Variants in GPC6 observed in about 807,000 individuals in gnomAD.
GPC6 encodes glypican 6, also known as glypican-6.
A neutral mutation model predicts 55.2 loss-of-function variants in GPC6; 14 were observed. That is an observed-to-expected ratio of 0.25 (90% confidence interval 0.17 to 0.40). The LOEUF (loss-of-function observed/expected upper bound fraction) is 0.40. GPC6 is among the 10% of genes least tolerant of loss of function. The pLI is 1.00. For missense variants in GPC6, 641 were observed against 708.5 expected (o/e 0.90, Z 1.08); for synonymous variants, 278 against 259.6 (o/e 1.07, Z -0.68).
rs140203496 is a variant in GPC6 at position 93,275,561 on chromosome 13, T to C, written c.160+47945T>C. ...GGGACAGAAATTAATTTCCTTGTAG[T>C]TTCAGAGATCAAGGTATAGGCAGCT... is the stretch of plus-strand genomic sequence containing the variant. On this transcript the variant is annotated intron_variant, in intron 1 of 8. Transcript: ENST00000377047. Among the ~76,000 whole-genome samples, 5 of 152,256 alleles carry C rather than the reference T, an allele frequency of 3.3e-5. No homozygotes were observed. In the East Asian group the frequency reaches 9.8e-4, roughly 30 times the overall value.
intron 4 of GPC6, among the ~76,000 whole-genome samples, chr13:94,071,377 G>A (rs1884728944): frequency 1.3e-5 from 2 of 152,116 alleles, no homozygotes; most frequent in Admixed American, 1.3e-4. Context: ...AACAATCAGA[G>A]GATTTAACTA....
At chr13:94,359,749 T>C (rs1200863494) in intron 6 of GPC6, among the ~76,000 whole-genome samples, 1 of 152,180 alleles carries the variant, frequency 6.6e-6, no homozygotes, top group African/African-American at 2.4e-5. Context: ...TGGCGTTTGA[T>C]CTTTCAGATT....
At chr13:93,542,487 T>G (rs962168161) in intron 1 of GPC6, among the ~76,000 whole-genome samples, 5 of 152,256 alleles carry the variant, frequency 3.3e-5, no homozygotes, top group Non-Finnish European at 5.9e-5. Context: ...TTTTGGCTTA[T>G]GATTGACTTG....
At chr13:93,844,290 C>A (rs1008326163) in intron 3 of GPC6, among the ~76,000 whole-genome samples, 2 of 152,074 alleles carry the variant, frequency 1.3e-5, no homozygotes, top group Non-Finnish European at 2.9e-5. Context: ...AGGCATGCAC[C>A]ACCATGCCCA....
At chr13:94,364,335 C>T (rs1422546067) in intron 6 of GPC6, among the ~76,000 whole-genome samples, 1 of 152,194 alleles carries the variant, frequency 6.6e-6, no homozygotes, top group Non-Finnish European at 1.5e-5. Context: ...GTAAATCGTA[C>T]TCCCTGGTTG....
intron 2 of GPC6, among the ~76,000 whole-genome samples, chr13:93,728,466 C>T (rs1883718793): frequency 6.6e-6 from 1 of 151,024 alleles, no homozygotes; most frequent in Admixed American, 6.6e-5. Flanking sequence ...GTTTTGAACT[C>T]CTGGGCTCAA....
At position 94,234,042 on chromosome 13, in the gene GPC6, G is replaced by A. The variant is rs115054343; in HGVS notation, c.878-52307G>A. Among the ~76,000 whole-genome samples the A allele has an allele frequency of 6.7e-3, 1,023 of 152,082 alleles. 16 individuals are homozygous for A. The highest frequency in any genetic ancestry group is 0.023 in the African/African-American group (968 of 41,464). On this transcript the variant is annotated intron_variant, in intron 4 of 8. Coordinates refer to ENST00000377047, the MANE Select transcript of GPC6 (RefSeq NM_005708.5). ...AAGTATGAGAAATAGTCAGGGCGAG[G>A]TGTTTATTTGTAGGGCAGTAACTCT...
At chr13:93,494,177 T>A (rs2139361801) in intron 1 of GPC6, among the ~76,000 whole-genome samples, 1 of 116,708 alleles carries the variant, frequency 8.6e-6, no homozygotes, top group African/African-American at 3.3e-5. Flanking sequence ...TGTAGGTCAC[T>A]CAGGACTTGC....
At chr13:93,423,932 C>T (rs930545422) in intron 1 of GPC6, among the ~76,000 whole-genome samples, 8 of 152,122 alleles carry the variant, frequency 5.3e-5, no homozygotes, top group African/African-American at 1.9e-4. Flanking sequence ...ACCACCGAGA[C>T]ACTTGAGAAA....
At chr13:93,620,098 C>T (rs921273392) in intron 2 of GPC6, among the ~76,000 whole-genome samples, 5 of 152,196 alleles carry the variant, frequency 3.3e-5, no homozygotes, top group East Asian at 1.9e-4. Context: ...TGTACTTTGA[C>T]GTAGAATCTC....
intron 3 of GPC6, among the ~76,000 whole-genome samples, chr13:93,974,392 G>GT (rs1337273514): frequency 1.3e-5 from 2 of 152,176 alleles, no homozygotes; most frequent in South Asian, 2.1e-4. Flanking sequence ...GATTTTTAAG[G>GT]TTTTTTCTTT....
chr13:93,465,612 G>T (rs767223001), intron 1 of GPC6, among the ~76,000 whole-genome samples: 1 of 152,210 alleles, frequency 6.6e-6, no homozygotes, highest in Non-Finnish European at 1.5e-5. Context: ...TTATGAGAAT[G>T]TTGTGGCTGG....
At chr13:94,278,459 C>T (rs1377473617) in intron 4 of GPC6, among the ~76,000 whole-genome samples, 4 of 152,148 alleles carry the variant, frequency 2.6e-5, no homozygotes, top group Non-Finnish European at 5.9e-5. Flanking sequence ...CTGGCCAGAG[C>T]TTCTGATACT....
the GPC6 span, among the ~76,000 whole-genome samples, chr13:93,217,696 C>T: frequency 6.6e-6 from 1 of 152,136 alleles, no homozygotes; most frequent in African/African-American, 2.4e-5. Context: ...CAGTTATCTA[C>T]TTAAATTAAG....
At chr13:93,936,994 A>G (rs942930349) in intron 3 of GPC6, among the ~76,000 whole-genome samples, 7 of 152,214 alleles carry the variant, frequency 4.6e-5, no homozygotes, top group African/African-American at 1.7e-4. Flanking sequence ...CTATTTGTCA[A>G]GTCCAGCACC....
chr13:93,529,927 G>GAATA (rs931182489), intron 1 of GPC6, among the ~76,000 whole-genome samples: 1 of 152,126 alleles, frequency 6.6e-6, no homozygotes, highest in African/African-American at 2.4e-5. Flanking sequence ...ATGAATGAAT[G>GAATA]AATAAATAAA....
At chr13:93,593,065 A>G (rs908937546) in intron 2 of GPC6, among the ~76,000 whole-genome samples, 1 of 152,098 alleles carries the variant, frequency 6.6e-6, no homozygotes, top group African/African-American at 2.4e-5. Context: ...AATAAATGAG[A>G]TAATCTTTGA....
chr13:94,284,781 A>G (rs1260820924), intron 4 of GPC6, among the ~76,000 whole-genome samples: 3 of 152,098 alleles, frequency 2.0e-5, no homozygotes, highest in Non-Finnish European at 4.4e-5. Context: ...ACACTATTTA[A>G]TGATTTATCA....
At chr13:93,661,122 G>T (rs1478327310) in intron 2 of GPC6, among the ~76,000 whole-genome samples, 2 of 152,174 alleles carry the variant, frequency 1.3e-5, no homozygotes, top group Non-Finnish European at 2.9e-5. Flanking sequence ...ATGAGAGAAT[G>T]GTGGTCAAAG....
Sources: gnomAD v4.1 joint callset for allele counts (sites outside exome capture counted in the v4.1 genomes callset) on GRCh38, gnomAD v4.1.1 for gene constraint, MANE v1.5 for transcripts, NCBI Gene and HGNC (gene_info 2026-07-23, HGNC 2026-07-21) for gene names.